RMND1: variants seen among roughly 807,000 people sequenced by gnomAD.
RMND1 encodes the protein required for meiotic nuclear division protein 1 homolog.
RMND1 carries 41 observed loss-of-function variants against 54.0 expected under a neutral mutation model. That is an observed-to-expected ratio of 0.76 (90% CI 0.59 to 0.98). RMND1 has a LOEUF of 0.98. Ranked by LOEUF, RMND1 falls within the 50% of genes least tolerant of loss-of-function variation. The pLI is 0.00. For missense variants in RMND1, 457 were observed against 532.0 expected (o/e 0.86, Z 1.39); for synonymous variants, 183 against 181.7 (o/e 1.01, Z -0.06).
chr6:151,449,117 C>G (rs1169219984), intron 1 of RMND1, among the ~76,000 whole-genome samples: 1 of 148,942 alleles, frequency 6.7e-6, no homozygotes, highest in Non-Finnish European at 1.5e-5. Flanking sequence ...GCCTGTAACC[C>G]CAGCATTTTG....
chr6:151,406,137 A>G (rs994725774), intron 10 of RMND1, among the ~76,000 whole-genome samples: 3 of 152,204 alleles, frequency 2.0e-5, no homozygotes, highest in East Asian at 1.9e-4. Context: ...AAAAGAGGCA[A>G]ACTTGAAACA....
chr6:151,445,238 G>C lies in RMND1; in HGVS notation c.504+70C>G, dbSNP rs1780917215. On this transcript the variant is annotated intron_variant, in intron 2 of 11. Transcript: ENST00000444024. ...CTCTTACGTTGGCGGTAAGGCTGGG[G>C]TGCAACGCACACTGGTTTAGCATGA... The C allele has an allele frequency of 3.1e-5, 47 of 1,501,416 alleles. No homozygotes were observed. The South Asian group carries it at 5.8e-4, about 19-fold the overall frequency. The allele number at this position is 1,501,416 out of a possible 1,614,324, so 93.0% of individuals were successfully genotyped here.
chr6:151,405,693 T>TCA (rs989972980), intron 11 of RMND1, 27 bp downstream of exon 11: 1 of 1,095,054 alleles, frequency 9.1e-7, no homozygotes, highest in Non-Finnish European at 1.4e-6. Flanking sequence ...TGGTAACTGA[T>TCA]CATAGTACAG....
At chr6:151,437,514 T>C (rs1780646946) in intron 2 of RMND1, among the ~76,000 whole-genome samples, 1 of 152,228 alleles carries the variant, frequency 6.6e-6, no homozygotes, top group African/African-American at 2.4e-5. Context: ...GCCTACTTTA[T>C]GGGGTTGTTG....
intron 10 of RMND1, chr6:151,417,041 T>C (rs1780026356): frequency 2.8e-6 from 1 of 351,122 alleles, no homozygotes. Context: ...AACTTACTGA[T>C]GGACCATTAG....
intron 6 of RMND1, among the ~76,000 whole-genome samples, chr6:151,424,395 G>A (rs1219370584): frequency 7.9e-5 from 12 of 151,634 alleles, no homozygotes; most frequent in African/African-American, 2.4e-4. Context: ...CCCGGGAGGC[G>A]GAGCTTGCAG....
At chr6:151,448,811 A>G (rs1456751883) in intron 1 of RMND1, among the ~76,000 whole-genome samples, 3 of 152,154 alleles carry the variant, frequency 2.0e-5, no homozygotes, top group African/African-American at 7.2e-5. Flanking sequence ...CCCTCCAACC[A>G]GGCATGGCGG....
intron 9 of RMND1, among the ~76,000 whole-genome samples, chr6:151,418,344 G>A (rs1007330865): frequency 1.6e-4 from 24 of 152,060 alleles, no homozygotes; most frequent in Admixed American, 3.3e-4. Flanking sequence ...AACCTCGGAG[G>A]CAGAGGCTGC....
chr6:151,415,448 A>T (rs1207152862), intron 10 of RMND1, among the ~76,000 whole-genome samples: 2 of 152,152 alleles, frequency 1.3e-5, no homozygotes, highest in Non-Finnish European at 2.9e-5. Flanking sequence ...AAAAAGTAAC[A>T]TCAAAATGAA....
rs529442427 is a variant in RMND1 at position 151,423,397 on chromosome 6, A to G, written c.937+128T>C. 8.2e-6 allele frequency: 5 copies of G among 608,080 alleles called. No individual in the cohort carries two copies. The East Asian group carries it at 8.2e-5, about 10-fold the overall frequency. 37.7% of individuals were successfully genotyped at this position (608,080 alleles called of 1,614,324 possible). A position where few individuals can be genotyped will look rare whatever the true frequency, so the allele number is the denominator to read the frequency against. On this transcript the variant is annotated intron_variant, in intron 7 of 11. Coordinates refer to ENST00000444024, the MANE Select transcript of RMND1 (RefSeq NM_017909.4). ...ACTAGATATTTTTTCTGATGGAGGG[A>G]AAAAAAGGAAAAGGAATGCTAAGGC...
chr6:151,411,587 G>C (rs1434861334), intron 10 of RMND1: 1 of 152,196 alleles, frequency 6.6e-6, no homozygotes, highest in Non-Finnish European at 1.5e-5. Flanking sequence ...CCACTTAGTT[G>C]TCAAGGTACT....
chr6:151,405,900 T>A, intron 10 of RMND1, 64 bp from the exon 11 acceptor site: 1 of 831,120 alleles, frequency 1.2e-6, no homozygotes. Flanking sequence ...CACATAAAAA[T>A]TCTATAGCTA....
At chr6:151,451,564 T>G (rs903645820) in intron 1 of RMND1, among the ~76,000 whole-genome samples, 1 of 152,114 alleles carries the variant, frequency 6.6e-6, no homozygotes, top group African/African-American at 2.4e-5. Context: ...CGGATTTGTG[T>G]TTTTTCCTAT....
chr6:151,406,397 CTG>C (rs998647152), intron 10 of RMND1, among the ~76,000 whole-genome samples: 1 of 152,036 alleles, frequency 6.6e-6, no homozygotes, highest in Admixed American at 6.6e-5. Context: ...GAGTCTCCCT[CTG>C]TCGCCCAGGC....
chr6:151,420,905 AT>A (rs1200998413), intron 9 of RMND1: 1 of 164,678 alleles, frequency 6.1e-6, no homozygotes, highest in Non-Finnish European at 1.3e-5. Flanking sequence ...CCTATTTAGC[AT>A]TATGATGCAG....
chr6:151,407,170 TACTC>T (rs765026091), intron 10 of RMND1, among the ~76,000 whole-genome samples: 9 of 151,916 alleles, frequency 5.9e-5, no homozygotes, highest in Middle Eastern at 6.8e-3. Flanking sequence ...AAAACTGTCT[TACTC>T]ACAGAACCAC....
chr6:151,422,439 C>T (rs1780177880), intron 8 of RMND1, 102 bp downstream of exon 8: 1 of 547,156 alleles, frequency 1.8e-6, no homozygotes, highest in East Asian at 3.3e-5. Flanking sequence ...AACAAATCTC[C>T]CATGGATACT....
In RMND1 at chr6:151,418,243, A is replaced by G. The variant is rs887581892; in HGVS notation, c.1080-844T>C. On this transcript the variant is annotated intron_variant, in intron 9 of 11. Coordinates refer to ENST00000444024, the MANE Select transcript of RMND1 (RefSeq NM_017909.4). ...AACCTGGACAGCACAGCGAAACCCTATCTCTACAAAAAATACAAGAACTAG... is the reference window on the plus strand; with the variant it reads ...AACCTGGACAGCACAGCGAAACCCTGTCTCTACAAAAAATACAAGAACTAG... Among the ~76,000 whole-genome samples, 6 of 152,086 alleles carry G rather than the reference A, an allele frequency of 3.9e-5. 1 individual carries two copies. The highest frequency in any genetic ancestry group is 1.2e-4 in the African/African-American group (5 of 41,432).
intron 10 of RMND1, among the ~76,000 whole-genome samples, chr6:151,413,236 A>T (rs940355367): frequency 6.6e-6 from 1 of 152,112 alleles, no homozygotes; most frequent in Admixed American, 6.6e-5. Context: ...AAAAACTTAA[A>T]TAGTAAGTGG....
Sources: gnomAD v4.1 joint callset for allele counts (sites outside exome capture counted in the v4.1 genomes callset) on GRCh38, gnomAD v4.1.1 for gene constraint, MANE v1.5 for transcripts, NCBI Gene and HGNC (gene_info 2026-07-23, HGNC 2026-07-21) for gene names.